LDLRAD4: variants seen among roughly 807,000 people sequenced by gnomAD.
The protein encoded by LDLRAD4 is low density lipoprotein receptor class A domain containing 4.
A neutral mutation model predicts 17.0 loss-of-function variants in LDLRAD4; 5 were observed. The observed-to-expected ratio is 0.29, with a 90% CI of 0.15 to 0.62. The LOEUF (loss-of-function observed/expected upper bound fraction) is 0.62, where lower values mean the gene tolerates loss of function less well. Among genes scored for constraint, LDLRAD4 ranks in the 20% least tolerant of loss-of-function variants. The pLI, the probability that LDLRAD4 is intolerant of heterozygous loss-of-function variation, is 0.84. For missense variants in LDLRAD4, 340 were observed against 424.7 expected (o/e 0.80, Z 1.75); for synonymous variants, 168 against 171.8 (o/e 0.98, Z 0.17).
At chr18:13,476,488 G>A (rs147859716) in intron 3 of LDLRAD4, among the ~76,000 whole-genome samples, 9 of 152,164 alleles carry the variant, frequency 5.9e-5, no homozygotes, top group Non-Finnish European at 1.0e-4. Flanking sequence ...GCCTGGCATG[G>A]TGGTGTGCAC....
intron 3 of LDLRAD4, chr18:13,501,051 G>A (rs2093606383): frequency 6.6e-6 from 1 of 152,144 alleles, no homozygotes; most frequent in Non-Finnish European, 1.5e-5. Flanking sequence ...AAGTTGCAGG[G>A]GGTCTCTGTG....
At chr18:13,565,631 C>T (rs769750460) in intron 3 of LDLRAD4, among the ~76,000 whole-genome samples, 6 of 152,206 alleles carry the variant, frequency 3.9e-5, no homozygotes, top group African/African-American at 7.2e-5. Context: ...TTTCTCGTGC[C>T]CCTGTCAACA....
At chr18:13,441,443 C>A (rs2091015710) in intron 3 of LDLRAD4, among the ~76,000 whole-genome samples, 1 of 152,222 alleles carries the variant, frequency 6.6e-6, no homozygotes, top group African/African-American at 2.4e-5. Flanking sequence ...ATGCCTCATT[C>A]TTCTTCCTGC....
chr18:13,458,263 C>G (rs1279548692), intron 3 of LDLRAD4, among the ~76,000 whole-genome samples: 1 of 152,186 alleles, frequency 6.6e-6, no homozygotes, highest in East Asian at 1.9e-4. Flanking sequence ...TCACGCAAAA[C>G]AAATTTAGCA....
At chr18:13,221,607 G>C (rs1198196993) in intron 1 of LDLRAD4, among the ~76,000 whole-genome samples, 3 of 152,170 alleles carry the variant, frequency 2.0e-5, no homozygotes, top group African/African-American at 7.2e-5. Flanking sequence ...ACTGAAGCTA[G>C]TACCTGTACT....
chr18:13,437,519 T>C (rs2090744170), intron 2 of LDLRAD4, among the ~76,000 whole-genome samples: 1 of 152,264 alleles, frequency 6.6e-6, no homozygotes, highest in Non-Finnish European at 1.5e-5. Context: ...TTTTCAAATA[T>C]TGATTCGTAC....
rs200905630 is a variant in LDLRAD4, at chr18:13,308,527, G to A, written c.-383+30339G>A. Among the ~76,000 whole-genome samples the A allele has an allele frequency of 7.2e-5, 11 of 152,338 alleles. No homozygotes were observed. The East Asian group carries it at 1.5e-3, about 21-fold the overall frequency. ...GGCCTGTGCTGGTGTACTCTGAGGC[G>A]CGATTGTGTGAAAGGTGGGCGAAGG... On this transcript the variant is annotated intron_variant, in intron 1 of 5. Transcript: ENST00000359446.
intron 2 of LDLRAD4, among the ~76,000 whole-genome samples, chr18:13,412,149 G>A (rs2088429380): frequency 6.6e-6 from 1 of 152,154 alleles, no homozygotes; most frequent in African/African-American, 2.4e-5. Context: ...GGCCTGCACT[G>A]AGTTCTGAAG....
At chr18:13,578,459 G>A (rs746310506) in intron 3 of LDLRAD4, among the ~76,000 whole-genome samples, 6 of 152,122 alleles carry the variant, frequency 3.9e-5, no homozygotes, top group East Asian at 1.9e-4. Context: ...CATTGTCATC[G>A]GAACCACCTT....
intron 1 of LDLRAD4, among the ~76,000 whole-genome samples, chr18:13,318,267 C>T (rs2081035151): frequency 6.8e-6 from 1 of 146,236 alleles, no homozygotes; most frequent in Non-Finnish European, 1.5e-5. Context: ...ATAGTGAAAT[C>T]TTTTTTTTTT....
exon 6 of LDLRAD4, chr18:13,646,383 C>T (rs2043016310): frequency 6.6e-6 from 1 of 152,464 alleles, no homozygotes; most frequent in Non-Finnish European, 1.5e-5. Flanking sequence ...TATTTGGGGA[C>T]GTAGCCTAAC....
intron 1 of LDLRAD4, among the ~76,000 whole-genome samples, chr18:13,356,883 C>T (rs2083376974): frequency 6.6e-6 from 1 of 152,202 alleles, no homozygotes; most frequent in Admixed American, 6.5e-5. Context: ...CCTGTAATCC[C>T]AGCACTTTGG....
At chr18:13,636,108 A>G (rs2042059157) in intron 4 of LDLRAD4, among the ~76,000 whole-genome samples, 1 of 152,158 alleles carries the variant, frequency 6.6e-6, no homozygotes, top group African/African-American at 2.4e-5. Context: ...GAGATGTTCA[A>G]ACAGGAGTGA....
In LDLRAD4 at chr18:13,422,234, A is replaced by G. The variant is rs191521515; in HGVS notation, c.41-16010A>G. ...ACATGGGCTTACACTGTGGGAGGTC[A>G]GAGCTGCAGGGGAGACTAGACAGAG... is the stretch of plus-strand genomic sequence containing the variant. On this transcript the variant is annotated intron_variant, in intron 2 of 5. Coordinates refer to ENST00000359446, the Ensembl canonical transcript of LDLRAD4. Among the ~76,000 whole-genome samples, 52 of 152,224 alleles carry G rather than the reference A, an allele frequency of 3.4e-4. 1 individual carries two copies. Among genetic ancestry groups the G allele is most frequent in the African/African-American group, 1.1e-3 (46 of 41,454 alleles).
intron 3 of LDLRAD4, among the ~76,000 whole-genome samples, chr18:13,579,315 A>G (rs1377163849): frequency 6.6e-6 from 1 of 152,262 alleles, no homozygotes; most frequent in African/African-American, 2.4e-5. Flanking sequence ...ATTTGTTTAT[A>G]TGTAGTTATT....
intron 3 of LDLRAD4, among the ~76,000 whole-genome samples, chr18:13,510,846 AC>A (rs2093766864): frequency 6.6e-6 from 1 of 152,192 alleles, no homozygotes; most frequent in Admixed American, 6.5e-5. Flanking sequence ...AGAGGGAGAT[AC>A]GGCTGAAAGC....
At chr18:13,462,741 G>A (rs1295031554) in intron 3 of LDLRAD4, among the ~76,000 whole-genome samples, 3 of 152,158 alleles carry the variant, frequency 2.0e-5, no homozygotes, top group Non-Finnish European at 2.9e-5. Context: ...TGGCTGTCAC[G>A]GGCGGAGCAG....
At chr18:13,306,241 G>C (rs2046905798) in intron 1 of LDLRAD4, among the ~76,000 whole-genome samples, 1 of 152,238 alleles carries the variant, frequency 6.6e-6, no homozygotes, top group African/African-American at 2.4e-5. Flanking sequence ...TTGGGTTTAT[G>C]AACAGGACGG....
intron 4 of LDLRAD4, chr18:13,642,495 A>G: frequency 8.2e-7 from 1 of 1,217,852 alleles, no homozygotes. Context: ...TTTTTGAAAA[A>G]GGATGCTAAC....
Sources: gnomAD v4.1 joint callset for allele counts (sites outside exome capture counted in the v4.1 genomes callset) on GRCh38, gnomAD v4.1.1 for gene constraint, MANE v1.5 for transcripts, NCBI Gene and HGNC (gene_info 2026-07-23, HGNC 2026-07-21) for gene names.